NSMCE2: variants seen among roughly 807,000 people sequenced by gnomAD.
NSMCE2 encodes NSE2 SUMO ligase component of SMC5/6 complex.
A neutral mutation model predicts 23.8 loss-of-function variants in NSMCE2; 24 were observed. The observed-to-expected ratio is 1.01, with a 90% confidence interval of 0.73 to 1.42. The LOEUF (loss-of-function observed/expected upper bound fraction) is 1.42, where lower values mean the gene tolerates loss of function less well. Among genes scored for constraint, NSMCE2 ranks in the 40% most tolerant of loss-of-function variants. The pLI is 0.00. For missense variants in NSMCE2, 284 were observed against 296.5 expected (o/e 0.96, Z 0.31); for synonymous variants, 92 against 94.1 (o/e 0.98, Z 0.13).
chr8:125,192,478 T>C (rs1479926543), intron 5 of NSMCE2, among the ~76,000 whole-genome samples: 1 of 151,990 alleles, frequency 6.6e-6, no homozygotes, highest in African/African-American at 2.4e-5. Flanking sequence ...AATATTGTAA[T>C]TTGGCTTTAT....
intron 5 of NSMCE2, among the ~76,000 whole-genome samples, chr8:125,196,344 C>T (rs1823618332): frequency 6.6e-6 from 1 of 151,948 alleles, no homozygotes; most frequent in African/African-American, 2.4e-5. Context: ...TAATGCTATC[C>T]CTCCCCCAGC....
intron 5 of NSMCE2, among the ~76,000 whole-genome samples, chr8:125,300,584 G>A (rs528021621): frequency 6.6e-6 from 1 of 152,306 alleles, no homozygotes; most frequent in Non-Finnish European, 1.5e-5. Flanking sequence ...CATTTATTGA[G>A]CATCTCTTAT....
intron 3 of NSMCE2, among the ~76,000 whole-genome samples, chr8:125,131,576 C>A (rs1819773698): frequency 6.6e-6 from 1 of 152,014 alleles, no homozygotes; most frequent in Non-Finnish European, 1.5e-5. Flanking sequence ...GGTGCAACAC[C>A]ATGGTAGCTT....
At chr8:125,333,532 T>TTTTTTTTTTTTTTTTTTGG in intron 5 of NSMCE2, among the ~76,000 whole-genome samples, 1 of 126,964 alleles carries the variant, frequency 7.9e-6, no homozygotes, top group South Asian at 2.6e-4. Flanking sequence ...TTTTTTTTTT[T>TTTTTTTTTTTTTTTTTTGG]GAGACGGAGT....
intron 5 of NSMCE2, among the ~76,000 whole-genome samples, chr8:125,232,695 G>A (rs970791238): frequency 6.6e-6 from 1 of 152,022 alleles, no homozygotes; most frequent in African/African-American, 2.4e-5. Context: ...AGCCAATTTT[G>A]TTTCATTTCT....
chr8:125,337,922 C>T (rs1024040337), intron 5 of NSMCE2, among the ~76,000 whole-genome samples: 25 of 146,072 alleles, frequency 1.7e-4, no homozygotes, highest in Admixed American at 1.6e-3. Flanking sequence ...AAGAAAACAA[C>T]AGGTTTGCCT....
intron 3 of NSMCE2, among the ~76,000 whole-genome samples, chr8:125,146,308 G>A (rs1820671961): frequency 6.6e-6 from 1 of 152,186 alleles, no homozygotes. Flanking sequence ...AAGCCAGAGT[G>A]GGAGGCCTGG....
In NSMCE2 at chr8:125,290,619, C is replaced by A. The variant is rs143488031; in HGVS notation, c.419-66600C>A. ...AATCTCTCAGTTACAATTCCAGTCT[C>A]ACAGAAAAGTTGGTTGAGGCAACAT... On this transcript the variant is annotated intron_variant, in intron 5 of 7. Coordinates refer to ENST00000287437, the MANE Select transcript of NSMCE2 (RefSeq NM_173685.4). 3.6e-3 allele frequency among the ~76,000 whole-genome samples: 553 copies of A among 152,302 alleles called. 4 individuals carry two copies. The highest frequency in any genetic ancestry group is 0.012 in the African/African-American group (503 of 41,570).
rs553006397 is a variant in NSMCE2, at chr8:125,354,389, C to T, written c.419-2830C>T. The stretch of plus-strand genomic sequence containing the variant: ...AGTTTATGAAGAAATAAATCCAGCC[C>T]TACATATTACTTCCAAATTATGTAT... On this transcript the variant is annotated intron_variant, in intron 5 of 7. Coordinates refer to ENST00000287437, the MANE Select transcript of NSMCE2 (RefSeq NM_173685.4). Among the ~76,000 whole-genome samples the T allele has an allele frequency of 7.9e-5, 12 of 152,294 alleles. 1 individual carries two copies. The highest frequency in any genetic ancestry group is 7.8e-4 in the Admixed American group (12 of 15,292).
chr8:125,114,386 T>C (rs1029844791), intron 3 of NSMCE2, among the ~76,000 whole-genome samples: 9 of 152,214 alleles, frequency 5.9e-5, no homozygotes, highest in African/African-American at 2.2e-4. Context: ...AGAATGTGTT[T>C]AAAACCTAAC....
intron 4 of NSMCE2, chr8:125,155,936 A>C (rs963894371): frequency 8.9e-6 from 4 of 447,972 alleles, no homozygotes; most frequent in African/African-American, 8.2e-5. Flanking sequence ...AGAATGACCC[A>C]ACAAGTTCAG....
intron 5 of NSMCE2, among the ~76,000 whole-genome samples, chr8:125,322,243 C>A (rs1829488419): frequency 6.6e-6 from 1 of 152,076 alleles, no homozygotes; most frequent in East Asian, 1.9e-4. Context: ...TGGTGGGTAC[C>A]TCTAGGTCTA....
At chr8:125,327,845 A>G (rs1829733390) in intron 5 of NSMCE2, among the ~76,000 whole-genome samples, 1 of 152,190 alleles carries the variant, frequency 6.6e-6, no homozygotes, top group Admixed American at 6.6e-5. Context: ...AGGGATTATC[A>G]TGAATGGGTT....
rs1830003786 is a variant in NSMCE2 at position 125,334,602 on chromosome 8, T to A, written c.419-22617T>A. 2.6e-5 allele frequency among the ~76,000 whole-genome samples: 4 copies of A among 151,874 alleles called. No homozygotes were observed. In the South Asian group the frequency reaches 8.3e-4, roughly 32 times the overall value. On this transcript the variant is annotated intron_variant, in intron 5 of 7. Coordinates refer to ENST00000287437, the MANE Select transcript of NSMCE2 (RefSeq NM_173685.4). ...GGAGGGGAATTGTTTTTCTCACGGG[T>A]TGGAATGTAGCAAGTGTCCATTATA...
chr8:125,154,422 C>T (rs190816553), intron 4 of NSMCE2, among the ~76,000 whole-genome samples: 7 of 151,598 alleles, frequency 4.6e-5, no homozygotes, highest in East Asian at 1.9e-4. Context: ...GGTTACCTTC[C>T]GTTGTCTCTC....
chr8:125,195,806 A>G (rs1004070877), intron 5 of NSMCE2, among the ~76,000 whole-genome samples: 3 of 151,232 alleles, frequency 2.0e-5, no homozygotes, highest in Non-Finnish European at 4.4e-5. Flanking sequence ...ATGCTCAAGT[A>G]CTGTCTTTCA....
chr8:125,335,446 G>T (rs1159916746), intron 5 of NSMCE2, among the ~76,000 whole-genome samples: 1 of 152,200 alleles, frequency 6.6e-6, no homozygotes, highest in Non-Finnish European at 1.5e-5. Flanking sequence ...ACTGAGGCAG[G>T]CAGTATTTAA....
chr8:125,334,836 G>A (rs1479727101), intron 5 of NSMCE2, among the ~76,000 whole-genome samples: 5 of 124,828 alleles, frequency 4.0e-5, no homozygotes, highest in Non-Finnish European at 7.9e-5. Flanking sequence ...AGGCTGGAGT[G>A]CAGTGACCTC....
chr8:125,205,806 G>A (rs537551334), intron 5 of NSMCE2, among the ~76,000 whole-genome samples: 34 of 152,218 alleles, frequency 2.2e-4, no homozygotes, highest in African/African-American at 7.5e-4. Context: ...TACCAGTATC[G>A]TACTTAATAA....
Sources: gnomAD v4.1 joint callset for allele counts (sites outside exome capture counted in the v4.1 genomes callset) on GRCh38, gnomAD v4.1.1 for gene constraint, MANE v1.5 for transcripts, NCBI Gene and HGNC (gene_info 2026-07-23, HGNC 2026-07-21) for gene names.